Variants in PRKCB observed in about 807,000 individuals in gnomAD.
PRKCB encodes the protein protein kinase C beta type.
PRKCB carries 13 observed loss-of-function variants against 81.5 expected under a neutral mutation model. The ratio of observed to expected loss-of-function variants is 0.16; its 90% CI spans 0.10 to 0.25. PRKCB has a LOEUF of 0.25. Among genes scored for constraint, PRKCB ranks in the 10% least tolerant of loss-of-function variants. The pLI, the probability that PRKCB is intolerant of heterozygous loss-of-function variation, is 1.00. For missense variants in PRKCB, 509 were observed against 875.7 expected (o/e 0.58, Z 5.29); for synonymous variants, 335 against 321.4 (o/e 1.04, Z -0.45).
intron 12 of PRKCB, chr16:24,174,877 C>A (rs1363442339): frequency 3.3e-6 from 1 of 306,722 alleles, no homozygotes. Context: ...GTACTTCTTT[C>A]TCTTGCTTGT....
intron 2 of PRKCB, among the ~76,000 whole-genome samples, chr16:23,903,381 G>A (rs1210129189): frequency 1.3e-5 from 2 of 151,968 alleles, no homozygotes; most frequent in African/African-American, 2.4e-5. Flanking sequence ...GTACATCTGG[G>A]GATTGGTATT....
intron 16 of PRKCB, among the ~76,000 whole-genome samples, chr16:24,195,820 C>T (rs888888770): frequency 1.3e-5 from 2 of 152,050 alleles, no homozygotes; most frequent in African/African-American, 4.8e-5. Flanking sequence ...GATCTCTGTC[C>T]TCTTCCTAGC....
chr16:24,119,528 T>C (rs1263055822), intron 8 of PRKCB, among the ~76,000 whole-genome samples: 3 of 151,892 alleles, frequency 2.0e-5, no homozygotes, highest in Non-Finnish European at 2.9e-5. Flanking sequence ...GTCTGGAGAA[T>C]GGAGACTGTG....
intron 3 of PRKCB, among the ~76,000 whole-genome samples, chr16:24,028,736 G>A (rs1567349898): frequency 6.6e-6 from 1 of 152,116 alleles, no homozygotes; most frequent in Non-Finnish European, 1.5e-5. Context: ...ACGACATTTG[G>A]GTCCTTTCCA....
At chr16:23,893,767 C>T (rs1191915953) in intron 2 of PRKCB, 1 of 152,168 alleles carries the variant, frequency 6.6e-6, no homozygotes, top group African/African-American at 2.4e-5. Flanking sequence ...TTTTTAATTA[C>T]TGCATAGATT....
At chr16:24,026,954 C>A (rs1295540614) in intron 3 of PRKCB, among the ~76,000 whole-genome samples, 1 of 152,132 alleles carries the variant, frequency 6.6e-6, no homozygotes, top group Non-Finnish European at 1.5e-5. Flanking sequence ...TGTAAGAGAA[C>A]CTGGAGCTTC....
chr16:24,115,214 G>A (rs901740031), intron 8 of PRKCB, among the ~76,000 whole-genome samples: 3 of 146,828 alleles, frequency 2.0e-5, no homozygotes, highest in Non-Finnish European at 3.1e-5. Context: ...TATCCCAAGA[G>A]TATTTATCCC....
At chr16:24,088,466 C>G (rs1966335251) in intron 5 of PRKCB, among the ~76,000 whole-genome samples, 2 of 152,134 alleles carry the variant, frequency 1.3e-5, no homozygotes, top group Non-Finnish European at 2.9e-5. Flanking sequence ...GTGGCTCACA[C>G]CTGTAATCCC....
At chr16:23,926,648 C>A (rs1963900961) in intron 2 of PRKCB, among the ~76,000 whole-genome samples, 1 of 150,356 alleles carries the variant, frequency 6.7e-6, no homozygotes, top group African/African-American at 2.4e-5. Flanking sequence ...TGTCTATATA[C>A]ACACAATGAT....
At chr16:24,174,008 C>T (rs1458537737) in intron 11 of PRKCB, among the ~76,000 whole-genome samples, 1 of 151,920 alleles carries the variant, frequency 6.6e-6, no homozygotes, top group Middle Eastern at 3.4e-3. Flanking sequence ...GTATAATTCT[C>T]TCTTTTTTGG....
intron 12 of PRKCB, among the ~76,000 whole-genome samples, chr16:24,176,192 C>T (rs1263143334): frequency 6.6e-6 from 1 of 151,988 alleles, no homozygotes; most frequent in Non-Finnish European, 1.5e-5. Context: ...AAAGTCCCCG[C>T]CATTCCTACT....
chr16:24,161,860 T>C (rs1020618313), intron 10 of PRKCB, among the ~76,000 whole-genome samples: 1 of 152,216 alleles, frequency 6.6e-6, no homozygotes, highest in African/African-American at 2.4e-5. Flanking sequence ...CCTTGCTGCA[T>C]AGGTACGAAA....
At chr16:23,849,058 A>G (rs1377898561) in intron 2 of PRKCB, among the ~76,000 whole-genome samples, 1 of 152,198 alleles carries the variant, frequency 6.6e-6, no homozygotes. Flanking sequence ...TTGGGGCCGG[A>G]GAGGTGATTT....
intron 13 of PRKCB, among the ~76,000 whole-genome samples, chr16:24,181,789 A>AAAAAAAAAAAAAAG (rs1013403340): frequency 1.1e-3 from 148 of 138,672 alleles, no homozygotes; most frequent in South Asian, 2.3e-3. Context: ...AAAAAAAAAA[A>AAAAAAAAAAAAAAG]AAGAAGAAGA....
chr16:23,924,182 AG>A (rs34367566), intron 2 of PRKCB, among the ~76,000 whole-genome samples: 76,580 of 151,650 alleles, frequency 0.5, 20,577 homozygotes, highest in East Asian at 0.62. Flanking sequence ...TGGTTTTATA[AG>A]GGGCTCCTCC....
intron 5 of PRKCB, among the ~76,000 whole-genome samples, chr16:24,039,008 T>C (rs1370246068): frequency 6.6e-6 from 1 of 151,960 alleles, no homozygotes; most frequent in Non-Finnish European, 1.5e-5. Context: ...TAGGGTTAGA[T>C]GAGGTTGTGA....
chr16:24,022,075 T>C (rs1965412523), intron 3 of PRKCB, among the ~76,000 whole-genome samples: 1 of 152,078 alleles, frequency 6.6e-6, no homozygotes, highest in Non-Finnish European at 1.5e-5. Context: ...TGTGGAAACC[T>C]GATTTCCAGG....
chr16:24,149,224 T>C (rs11074608), intron 9 of PRKCB, among the ~76,000 whole-genome samples: 26,053 of 152,176 alleles, frequency 0.17, 2,874 homozygotes, highest in South Asian at 0.32. Context: ...TTCTGTTCAT[T>C]AAGGCAGCCG....
rs186607764 is a variant in PRKCB at position 24,202,314 on chromosome 16, A to G, written c.1863+11084A>G. ...AGAGTTGCCAGTTCCTGCTATTTCC[A>G]CTTGATGACAATTTATTGTTTCCTC... is the stretch of plus-strand genomic sequence containing the variant. On this transcript the variant is annotated intron_variant, in intron 16 of 16. Coordinates refer to ENST00000643927, the MANE Select transcript of PRKCB (RefSeq NM_002738.7). Among the ~76,000 whole-genome samples, 16 of 152,182 alleles carry G rather than the reference A, an allele frequency of 1.1e-4. No homozygotes were observed. In the East Asian group the frequency reaches 2.7e-3, roughly 26 times the overall value.
Sources: allele counts gnomAD v4.1 joint callset (sites outside exome capture counted in the v4.1 genomes callset), GRCh38; gene constraint gnomAD v4.1.1; transcripts MANE v1.5; gene names NCBI Gene and HGNC (gene_info 2026-07-23, HGNC 2026-07-21).